Variants in UGGT2 observed in about 807,000 individuals in gnomAD.
The protein encoded by UGGT2 is UDP-glucose glycoprotein glucosyltransferase 2.
In UGGT2, 180 loss-of-function variants were observed where a neutral mutation model predicts 192.1. That is an observed-to-expected ratio of 0.94 (90% CI 0.83 to 1.06). UGGT2 has a LOEUF of 1.06. UGGT2 is among the 50% of genes least tolerant of loss of function. The probability of loss-of-function intolerance (pLI) is 0.00; values close to 1 mark genes in which losing one functional copy is unlikely to be tolerated. For synonymous variants in UGGT2, 580 were observed against 591.0 expected, an observed-to-expected ratio of 0.98 and a Z score of 0.27; for missense variants, 1,849 against 1,795.7, an observed-to-expected ratio of 1.03 and a Z score of -0.54.
At chr13:96,026,591 A>G (rs1594599835) in intron 2 of UGGT2, among the ~76,000 whole-genome samples, 1 of 151,458 alleles carries the variant, frequency 6.6e-6, no homozygotes, top group East Asian at 1.9e-4. Flanking sequence ...CATTCTAAAC[A>G]ATATTTTCCT....
chr13:95,845,476 C>T (rs192221190), intron 36 of UGGT2, among the ~76,000 whole-genome samples: 6 of 149,686 alleles, frequency 4.0e-5, no homozygotes, highest in East Asian at 2.0e-4. Context: ...TCAGAGAGCA[C>T]GGGGTTGGGG....
At chr13:96,044,215 C>G (rs901125358) in intron 1 of UGGT2, among the ~76,000 whole-genome samples, 1 of 152,142 alleles carries the variant, frequency 6.6e-6, no homozygotes, top group Non-Finnish European at 1.5e-5. Context: ...TAAAAGGAAC[C>G]TTCAAAACCA....
intron 34 of UGGT2, among the ~76,000 whole-genome samples, chr13:95,855,805 GAAGA>G (rs1889553183): frequency 6.6e-6 from 1 of 152,166 alleles, no homozygotes; most frequent in South Asian, 2.1e-4. Context: ...TTTCTAGCAA[GAAGA>G]AATTCCTAGT....
At chr13:96,013,750 A>G (rs1274962390) in intron 4 of UGGT2, among the ~76,000 whole-genome samples, 3 of 152,034 alleles carry the variant, frequency 2.0e-5, no homozygotes, top group Non-Finnish European at 4.4e-5. Flanking sequence ...TGGCAGCACA[A>G]TTTTCAGTGA....
chr13:95,837,060 A>G (rs373848383), intron 37 of UGGT2, 26 bp downstream of exon 37: 30 of 1,500,754 alleles, frequency 2.0e-5, no homozygotes, highest in Non-Finnish European at 2.6e-5. Context: ...ATCTGCTTAC[A>G]TACAAATGAA....
At position 96,046,730 on chromosome 13, in the gene UGGT2, C is replaced by T. The variant is rs376210424; in HGVS notation, c.158+6425G>A. 3.3e-5 allele frequency among the ~76,000 whole-genome samples: 5 copies of T among 152,286 alleles called. No individual in the cohort carries two copies. In the East Asian group the frequency reaches 5.8e-4, roughly 18 times the overall value. ...ATTCCCTTTCCTAGCCAAGGGAAGCCGTGACAGATGGCACCTGGAAAATCG... is the reference window on the plus strand; with the variant it reads ...ATTCCCTTTCCTAGCCAAGGGAAGCTGTGACAGATGGCACCTGGAAAATCG... On this transcript the variant is annotated intron_variant, in intron 1 of 38. Transcript: ENST00000376747.
intron 31 of UGGT2, among the ~76,000 whole-genome samples, chr13:95,862,525 G>C (rs1472528102): frequency 2.0e-5 from 3 of 152,110 alleles, no homozygotes; most frequent in Non-Finnish European, 4.4e-5. Context: ...CATTCTATGA[G>C]GTTTAGGTGG....
At chr13:95,934,072 TTTTCA>T (rs562344648) in intron 17 of UGGT2, among the ~76,000 whole-genome samples, 57 of 152,318 alleles carry the variant, frequency 3.7e-4, no homozygotes, top group African/African-American at 1.3e-3. Flanking sequence ...ATGTTGTTTG[TTTTCA>T]TTTATTTGAA....
intron 37 of UGGT2, among the ~76,000 whole-genome samples, chr13:95,835,661 A>C (rs1018894776): frequency 1.3e-5 from 2 of 152,194 alleles, no homozygotes; most frequent in African/African-American, 2.4e-5. Context: ...ACATTTTAAT[A>C]GCTTATTCGT....
intron 24 of UGGT2, among the ~76,000 whole-genome samples, chr13:95,892,002 G>C (rs1218595771): frequency 6.6e-6 from 1 of 152,100 alleles, no homozygotes; most frequent in East Asian, 1.9e-4. Context: ...ATTATTGCTA[G>C]ACCTAAGAGC....
At chr13:95,858,735 T>C (rs945192458) in intron 33 of UGGT2, among the ~76,000 whole-genome samples, 6 of 152,188 alleles carry the variant, frequency 3.9e-5, no homozygotes, top group African/African-American at 7.2e-5. Flanking sequence ...TAGTAAGTTA[T>C]TGAATCTAAA....
chr13:95,981,207 G>T lies in UGGT2; in HGVS notation c.1092+2597C>A. On this transcript the variant is annotated intron_variant, in intron 10 of 38. Transcript: ENST00000376747. The stretch of plus-strand genomic sequence containing the variant: ...TGGCCGGGCGCGGTGGCTCACGCCT[G>T]TAATCCCAGCACTTTGGGAGGCAGA... Among the ~76,000 whole-genome samples, 3 of 438 alleles carry T rather than the reference G, an allele frequency of 6.8e-3. 1 individual carries two copies. The highest frequency in any genetic ancestry group is 1 in the Middle Eastern group (2 of 2). The allele number at this position is 438 out of a possible 152,430, so 0.3% of individuals were successfully genotyped here.
At chr13:96,022,667 A>G (rs1050919734) in intron 4 of UGGT2, among the ~76,000 whole-genome samples, 2 of 151,958 alleles carry the variant, frequency 1.3e-5, no homozygotes, top group African/African-American at 4.8e-5. Flanking sequence ...AAAAGCAAAA[A>G]AATAGTTTTG....
At chr13:95,849,906 T>C (rs1480599576) in intron 36 of UGGT2, among the ~76,000 whole-genome samples, 2 of 138,126 alleles carry the variant, frequency 1.4e-5, no homozygotes, top group Non-Finnish European at 3.1e-5. Context: ...CTATAATCCC[T>C]TATTGGTACA....
At chr13:95,938,543 G>C (rs1417990587) in intron 16 of UGGT2, among the ~76,000 whole-genome samples, 4 of 152,202 alleles carry the variant, frequency 2.6e-5, no homozygotes, top group African/African-American at 9.7e-5. Context: ...AGATCTGTCT[G>C]ACCAAGAGTC....
chr13:95,878,430 T>C (rs2047402568), intron 27 of UGGT2, among the ~76,000 whole-genome samples: 1 of 152,180 alleles, frequency 6.6e-6, no homozygotes, highest in African/African-American at 2.4e-5. Flanking sequence ...TCATAAATTT[T>C]TTTTGTAAGA....
intron 1 of UGGT2, among the ~76,000 whole-genome samples, chr13:96,043,196 G>T (rs529116135): frequency 6.6e-6 from 1 of 152,238 alleles, no homozygotes; most frequent in Admixed American, 6.5e-5. Flanking sequence ...AAGCTAGAAG[G>T]GATTGGGGCC....
chr13:96,042,008 C>T (rs947338681), intron 1 of UGGT2, among the ~76,000 whole-genome samples: 2 of 152,106 alleles, frequency 1.3e-5, no homozygotes, highest in Non-Finnish European at 2.9e-5. Context: ...CTGATCCTCC[C>T]CATACTACCA....
At chr13:96,051,040 T>G (rs1359473227) in intron 1 of UGGT2, among the ~76,000 whole-genome samples, 1 of 152,216 alleles carries the variant, frequency 6.6e-6, no homozygotes, top group Non-Finnish European at 1.5e-5. Context: ...CACACATGTT[T>G]ATTGCGGCAC....
Sources: allele counts gnomAD v4.1 joint callset (sites outside exome capture counted in the v4.1 genomes callset), GRCh38; gene constraint gnomAD v4.1.1; transcripts MANE v1.5; gene names NCBI Gene and HGNC (gene_info 2026-07-23, HGNC 2026-07-21).